SLIT2: variants seen among roughly 807,000 people sequenced by gnomAD.
SLIT2 encodes slit homolog 2 protein.
SLIT2 carries 41 observed loss-of-function variants against 185.7 expected under a neutral mutation model. The ratio of observed to expected loss-of-function variants is 0.22; its 90% CI spans 0.17 to 0.29. The LOEUF is 0.29. SLIT2 is among the 10% of genes least tolerant of loss of function. SLIT2 has a pLI of 1.00. For synonymous variants in SLIT2, 693 were observed against 680.2 expected (o/e 1.02, Z -0.29); for missense variants, 1,571 against 1,909.0 (o/e 0.82, Z 3.30).
At chr4:20,541,686 C>T in intron 20 of SLIT2, 67 bp downstream of exon 20, 1 of 1,346,604 alleles carries the variant, frequency 7.4e-7, no homozygotes, top group Admixed American at 1.7e-5. Flanking sequence ...CAGCTTTGCA[C>T]AAATCTACAG....
At chr4:20,400,999 G>A (rs764988944) in intron 4 of SLIT2, among the ~76,000 whole-genome samples, 1 of 151,762 alleles carries the variant, frequency 6.6e-6, no homozygotes, top group Non-Finnish European at 1.5e-5. Context: ...GCTACTTAGG[G>A]CACATGTAAC....
intron 35 of SLIT2, 29 bp downstream of exon 35, chr4:20,617,227 A>G: frequency 6.6e-7 from 1 of 1,507,418 alleles, no homozygotes; most frequent in Non-Finnish European, 8.9e-7. Flanking sequence ...GGAGTTGAGC[A>G]CACACCTGAA....
intron 28 of SLIT2, 105 bp from the exon 29 acceptor site, chr4:20,568,760 G>T (rs923574120): frequency 1.0e-6 from 1 of 982,602 alleles, no homozygotes; most frequent in African/African-American, 1.6e-5. Context: ...GTAGTTAAAA[G>T]CTCTATGGTT....
intron 4 of SLIT2, among the ~76,000 whole-genome samples, chr4:20,337,334 A>G (rs915828233): frequency 1.3e-5 from 2 of 152,060 alleles, no homozygotes; most frequent in African/African-American, 4.8e-5. Context: ...TTATGAAGCC[A>G]TCAGATGTCA....
intron 29 of SLIT2, among the ~76,000 whole-genome samples, chr4:20,584,974 G>C (rs1726927774): frequency 6.6e-6 from 1 of 152,034 alleles, no homozygotes; most frequent in African/African-American, 2.4e-5. Context: ...AGAATCACTT[G>C]AGCCTGGGAG....
Position 20,539,501 on chromosome 4 carries a change from T to C in SLIT2, c.1893T>C (p.Ser631=), listed in dbSNP as rs1389929697. ...ATGACAGTTTCATAGGACTCAGTTC[T>C]GTGCGTTTGCTTTCTTTGTATGATA... ...VGNDSFIGLS[S]VRLLSLYDNQ... The change falls in exon 19 of 37, where the codon TCT becomes TCC. Residue 631 remains serine (S), a synonymous_variant. Coordinates refer to ENST00000504154, the MANE Select transcript of SLIT2 (RefSeq NM_004787.4). 6.2e-7 allele frequency: 1 copy of C among 1,613,864 alleles called. No homozygotes were observed. Among genetic ancestry groups the C allele is most frequent in the Non-Finnish European group, 8.5e-7 (1 of 1,179,804 alleles).
chr4:20,555,074 G>T (rs1466020068), intron 26 of SLIT2, among the ~76,000 whole-genome samples: 1 of 151,962 alleles, frequency 6.6e-6, no homozygotes, highest in Non-Finnish European at 1.5e-5. Context: ...TGGCCAGATT[G>T]TGTGTATTTT....
intron 4 of SLIT2, among the ~76,000 whole-genome samples, chr4:20,297,988 T>C (rs1054707462): frequency 6.6e-6 from 1 of 152,136 alleles, no homozygotes; most frequent in Admixed American, 6.5e-5. Flanking sequence ...ATTTAATCCA[T>C]ATGTATCTAA....
intron 29 of SLIT2, among the ~76,000 whole-genome samples, chr4:20,584,097 T>C (rs1371401570): frequency 6.6e-6 from 1 of 152,118 alleles, no homozygotes; most frequent in African/African-American, 2.4e-5. Context: ...GATCCATATC[T>C]TCAGAAGCAT....
In SLIT2 at chr4:20,528,272, G is replaced by A. The variant is rs753261336; in HGVS notation, c.1463-677G>A. 5.6e-6 allele frequency: 3 copies of A among 534,696 alleles called. No homozygotes were observed. The highest frequency in any genetic ancestry group is 7.7e-6 in the Non-Finnish European group (2 of 260,078). The allele number at this position is 534,696 out of a possible 1,614,324, so 33.1% of individuals were successfully genotyped here. ...TCTTACCTTTGGCCTAGTGGTTGGT[G>A]TAGTGATAATGTAGCGAGATTTTCT... On this transcript the variant is annotated intron_variant, in intron 15 of 36. Transcript: ENST00000504154. The surrounding 1 kb of genome is among the most constrained non-coding windows in gnomAD (Gnocchi z 4.2).
intron 11 of SLIT2, 75 bp downstream of exon 11, chr4:20,511,212 TA>T (rs1560487800): frequency 1.6e-5 from 13 of 796,528 alleles, no homozygotes; most frequent in Middle Eastern, 2.3e-4. Flanking sequence ...AATTGGGGTT[TA>T]AAAAATGCTC....
intron 4 of SLIT2, among the ~76,000 whole-genome samples, chr4:20,381,158 C>G (rs774666761): frequency 1.4e-4 from 21 of 152,128 alleles, no homozygotes; most frequent in Admixed American, 2.6e-4. Context: ...GAGGCTGATG[C>G]AAGAGAATCA....
chr4:20,438,976 T>G (rs1729551791), intron 4 of SLIT2, among the ~76,000 whole-genome samples: 1 of 152,210 alleles, frequency 6.6e-6, no homozygotes, highest in Non-Finnish European at 1.5e-5. Flanking sequence ...CATACTATAT[T>G]GTTTACTTAT....
At chr4:20,552,780 G>C (rs543973828) in intron 25 of SLIT2, 7 of 152,278 alleles carry the variant, frequency 4.6e-5, no homozygotes, top group Admixed American at 1.3e-4. Flanking sequence ...AGGATTACTA[G>C]TTAGAAGCTA....
At chr4:20,519,924 C>T (rs1370929974) in intron 12 of SLIT2, among the ~76,000 whole-genome samples, 2 of 149,608 alleles carry the variant, frequency 1.3e-5, no homozygotes, top group Admixed American at 6.8e-5. Flanking sequence ...GTCCCAGCTA[C>T]TCAGGAGGCT....
intron 11 of SLIT2, 52 bp from the exon 12 acceptor site, chr4:20,519,330 T>A: frequency 1.1e-6 from 1 of 885,908 alleles, no homozygotes; most frequent in Non-Finnish European, 1.9e-6. Context: ...TTAGATGAAT[T>A]TGTTATGCAG....
At position 20,524,141 on chromosome 4, in the gene SLIT2, A is replaced by G. The variant is rs776319751; in HGVS notation, c.1402A>G (p.Ile468Val). 2 of 1,614,184 alleles carry G rather than the reference A, an allele frequency of 1.2e-6. No individual in the cohort carries two copies. The highest frequency in any genetic ancestry group is 1.7e-5 in the Admixed American group (1 of 60,018). ...TSPRRLANKR[I>V]GQIKSKKFRC... The stretch of plus-strand genomic sequence containing the variant: ...CCCCCGCCGCCTGGCAAACAAAAGA[A>G]TTGGACAGATCAAAAGCAAGAAATT... The change falls in exon 14 of 37, where the codon ATT becomes GTT. Residue 468 changes from isoleucine (I) to valine (V), a missense_variant. Physicochemically the swap from Ile to Val is conservative, Grantham distance 29. This residue lies in a region of SLIT2 where 1,202 missense variants were observed against 1,416.4 expected (regional missense o/e 0.85). Transcript: ENST00000504154.
At chr4:20,307,808 C>T (rs906739902) in intron 4 of SLIT2, among the ~76,000 whole-genome samples, 3 of 152,120 alleles carry the variant, frequency 2.0e-5, no homozygotes, top group African/African-American at 7.2e-5. Flanking sequence ...GGACATGAAT[C>T]TCACAGGCAG....
At chr4:20,444,907 A>G (rs1169956912) in intron 4 of SLIT2, among the ~76,000 whole-genome samples, 1 of 152,176 alleles carries the variant, frequency 6.6e-6, no homozygotes, top group African/African-American at 2.4e-5. Flanking sequence ...TCTCTGTTAC[A>G]TACTTTGCGA....
Sources: gnomAD v4.1 joint callset for allele counts (sites outside exome capture counted in the v4.1 genomes callset) on GRCh38, gnomAD v4.1.1 for gene constraint, gnomAD v4.1.1 regional missense constraint, Gnocchi (gnomAD v3.1) non-coding constraint, MANE v1.5 for transcripts, NCBI Gene and HGNC (gene_info 2026-07-23, HGNC 2026-07-21) for gene names.